The following CEP295 variants were observed in gnomAD, a reference collection of about 807,000 sequenced individuals.
CEP295 encodes the protein centrosomal protein 295, also known as centrosomal protein of 295 kDa.
In CEP295, 190 loss-of-function variants were observed where a neutral mutation model predicts 291.6. The observed-to-expected ratio is 0.65, with a 90% CI of 0.58 to 0.73. The LOEUF (loss-of-function observed/expected upper bound fraction) is 0.73, where lower values mean the gene tolerates loss of function less well. Among genes scored for constraint, CEP295 ranks in the 30% least tolerant of loss-of-function variants. CEP295 has a pLI of 0.00. For synonymous variants in CEP295, 993 were observed against 1,038.8 expected (o/e 0.96, Z 0.85); for missense variants, 2,863 against 2,949.4 (o/e 0.97, Z 0.68).
At chr11:93,687,596 TA>T in intron 9 of CEP295, 47 bp from the exon 10 acceptor site, 1 of 1,004,372 alleles carries the variant, frequency 1.0e-6, no homozygotes. Context: ...ATTTGCCTGG[TA>T]ATACAATAGA....
intron 20 of CEP295, among the ~76,000 whole-genome samples, chr11:93,722,287 C>A (rs890237498): frequency 1.3e-5 from 2 of 151,978 alleles, no homozygotes; most frequent in African/African-American, 4.8e-5. Context: ...GTGGTAGAAC[C>A]CTATCTCTAC....
chr11:93,729,452 C>A lies in CEP295; in HGVS notation c.7321C>A (p.Leu2441Ile), dbSNP rs558061169. 1.3e-6 allele frequency: 2 copies of A among 1,551,640 alleles called. No individual in the cohort carries two copies. Among genetic ancestry groups the A allele is most frequent in the East Asian group, 4.9e-5 (2 of 40,930 alleles). The change falls in exon 26 of 30, where the codon CTT (leucine) becomes ATT (isoleucine). Residue 2441 changes from leucine to isoleucine, a missense_variant. This residue lies in a region of CEP295 where 2,295 missense variants were observed against 2,335.7 expected (regional missense o/e 0.98). Transcript: ENST00000325212. ...CFFQVSEFLP[L>I]VSATEASDYP... ...CCATTAGGTGAGTGAGTTTCTGCCT[C>A]TTGTATCAGCAACAGAAGCCTCAGA...
rs1216395836 is a variant in CEP295 at position 93,730,153 on chromosome 11, G to A, written c.7767+5G>A. 6.4e-7 allele frequency: 1 copy of A among 1,550,960 alleles called. No homozygotes were observed. Among genetic ancestry groups the A allele is most frequent in the Non-Finnish European group, 8.7e-7 (1 of 1,146,796 alleles). ...AGGGCAAAAGAATTCCATAAGGTGAGTATAACTGAGGGAGAAGGACTTAAT... is the reference window on the plus strand; with the variant it reads ...AGGGCAAAAGAATTCCATAAGGTGAATATAACTGAGGGAGAAGGACTTAAT... On this transcript the variant is annotated splice_donor_5th_base_variant and intron_variant, in intron 29 of 29. Transcript: ENST00000325212.
intron 2 of CEP295, among the ~76,000 whole-genome samples, chr11:93,667,234 A>G (rs1950237926): frequency 6.6e-6 from 1 of 152,214 alleles, no homozygotes; most frequent in South Asian, 2.1e-4. Flanking sequence ...TTCTGTCTAG[A>G]ATCAGAAATG....
rs764159719 is a variant in CEP295 at position 93,730,071 on chromosome 11, G to C, written c.7690G>C (p.Val2564Leu). The C allele has an allele frequency of 9.0e-6, 14 of 1,549,968 alleles. No individual in the cohort carries two copies. Among genetic ancestry groups the C allele is most frequent in the Non-Finnish European group, 1.0e-5 (12 of 1,146,648 alleles). The change falls in exon 29 of 30, where the codon GTG becomes CTG. Residue 2564 changes from valine to leucine, a missense_variant. Val to Leu is a conservative substitution (Grantham distance 32). This residue lies in a region of CEP295 where 2,295 missense variants were observed against 2,335.7 expected (regional missense o/e 0.98). Coordinates refer to ENST00000325212, the MANE Select transcript of CEP295 (RefSeq NM_033395.2). ...GLRLYNQLAE[V>L]KQQKEEKTKQ... ...CAGGTTATACAATCAACTAGCTGAA[G>C]TGAAACAACAAAAGGAAGAAAAAAC...
chr11:93,715,844 G>A (rs1387998322), intron 18 of CEP295, among the ~76,000 whole-genome samples: 2 of 152,058 alleles, frequency 1.3e-5, no homozygotes, highest in African/African-American at 4.8e-5. Flanking sequence ...CTGTGACTGA[G>A]TGGGTATTCA....
chr11:93,669,910 G>C, intron 5 of CEP295, 140 bp downstream of exon 5: 1 of 560,768 alleles, frequency 1.8e-6, no homozygotes, highest in South Asian at 2.5e-5. Context: ...AGTATATCTG[G>C]AGTATGTTAA....
chr11:93,690,744 A>G (rs970093394), intron 10 of CEP295, among the ~76,000 whole-genome samples: 101 of 151,514 alleles, frequency 6.7e-4, no homozygotes, highest in Non-Finnish European at 1.3e-3. Flanking sequence ...AAAAAAAAAA[A>G]AAAAAAAAAG....
intron 18 of CEP295, chr11:93,719,581 G>A (rs1953543824): frequency 6.6e-6 from 1 of 151,778 alleles, no homozygotes; most frequent in African/African-American, 2.4e-5. Context: ...TGTTTACTAG[G>A]TCTACATTTG....
chr11:93,691,618 G>T lies in CEP295; in HGVS notation c.1337-65G>T. On this transcript the variant is annotated intron_variant, in intron 10 of 29. Coordinates refer to ENST00000325212, the MANE Select transcript of CEP295 (RefSeq NM_033395.2). ...TTGAATGTGTTAATACCAGAATTTT[G>T]TTATTTTGCTTTAAGTTTGACAATG... 5.5e-6 allele frequency: 6 copies of T among 1,089,048 alleles called. No individual in the cohort carries two copies. In the South Asian group the frequency reaches 8.5e-5, roughly 15 times the overall value. The allele number at this position is 1,089,048 out of a possible 1,614,324, so 67.5% of individuals were successfully genotyped here. A position where few individuals can be genotyped will look rare whatever the true frequency, so the allele number is the denominator to read the frequency against.
rs1276868625 is a variant in CEP295 at position 93,691,962 on chromosome 11, C to T, written c.1465C>T (p.Gln489Ter). Residue 489 changes from glutamine to a stop codon, truncating the protein, a stop_gained, in exon 12 of 30, where the codon CAG becomes TAG. Coordinates refer to ENST00000325212, the MANE Select transcript of CEP295 (RefSeq NM_033395.2). LOFTEE classifies it high-confidence loss of function. The part of the protein sequence containing the change: ...NETLPITTVA[Q>*]SSVLLHPQEA... ...GACTCTGCCTATCACAACTGTAGCT[C>T]AGAGTTCAGTTCTACTTCATCCTCA... The T allele has an allele frequency of 6.5e-7, 1 of 1,546,454 alleles. No individual in the cohort carries two copies.
chr11:93,700,110 T>C lies in CEP295; in HGVS notation c.5198T>C (p.Val1733Ala), dbSNP rs906504286. 2 of 1,551,574 alleles carry C rather than the reference T, an allele frequency of 1.3e-6. No homozygotes were observed. The highest frequency in any genetic ancestry group is 2.7e-5 in the African/African-American group (2 of 73,040). ...CAGAAAGCCCAGGAAAAATTGCTTG[T>C]ACAGAGACAAACAGCATTGCAGCAG... is the stretch of plus-strand genomic sequence containing the variant. The part of the protein sequence containing the change: ...YSQKAQEKLL[V>A]QRQTALQQQI... The change falls in exon 15 of 30, where the codon GTA (valine) becomes GCA (alanine). Residue 1733 changes from valine (V) to alanine (A), a missense_variant. Transcript: ENST00000325212.
chr11:93,697,893 CTT>C lies in CEP295; in HGVS notation c.2983_2984del (p.Phe995ProfsTer16). The C allele has an allele frequency of 1.3e-6, 2 of 1,551,732 alleles. No homozygotes were observed. Among genetic ancestry groups the C allele is most frequent in the South Asian group, 2.4e-5 (2 of 84,066 alleles). ...GTATGTTCCGAACAGGCTGAGCCCT[CTT>C]TCCCATTTCAGGTAGCTCAGCATAC... On this transcript the variant is annotated frameshift_variant, in exon 15 of 30. Transcript: ENST00000325212. LOFTEE classifies it high-confidence loss of function.
chr11:93,727,078 C>A lies in CEP295; in HGVS notation c.6602C>A (p.Ser2201Tyr), dbSNP rs1183501555. 6.4e-7 allele frequency: 1 copy of A among 1,551,528 alleles called. No individual in the cohort carries two copies. Among genetic ancestry groups the A allele is most frequent in the Non-Finnish European group, 8.7e-7 (1 of 1,146,710 alleles). Residue 2201 changes from serine to tyrosine, a missense_variant, in exon 24 of 30, where the codon TCT (serine) becomes TAT (tyrosine). Ser to Tyr is a moderately radical substitution (Grantham distance 144, BLOSUM62 -2). Around this residue, in one of 3 missense-constraint regions of CEP295, gnomAD observed 2,295 missense variants for 2,335.7 expected, o/e 0.98. Transcript: ENST00000325212. ...ATTTTTAGCATTGAAGCAAGAGATT[C>A]TTCCCAAGGCATGAAAAATCAGAAC... ...PSIFSIEARD[S>Y]SQGMKNQNYP...
Position 93,668,863 on chromosome 11 carries a change from A to AC in CEP295, c.365_366insC (p.Leu123PhefsTer4). On this transcript the variant is annotated frameshift_variant, in exon 4 of 30. Coordinates refer to ENST00000325212, the MANE Select transcript of CEP295 (RefSeq NM_033395.2). LOFTEE classifies it high-confidence loss of function. ...GCAGCAGAAAGGAAAAGAAAAGCAG[A>AC]TTTGAGGCATAAAGAAGCCTTGAAA... The AC allele has an allele frequency of 6.7e-7, 1 of 1,501,880 alleles. No homozygotes were observed. The highest frequency in any genetic ancestry group is 9.0e-7 in the Non-Finnish European group (1 of 1,110,588). 93.0% of individuals were successfully genotyped at this position (1,501,880 alleles called of 1,614,324 possible).
At chr11:93,688,740 AT>A (rs1305557709) in intron 10 of CEP295, among the ~76,000 whole-genome samples, 4 of 152,100 alleles carry the variant, frequency 2.6e-5, no homozygotes, top group African/African-American at 4.8e-5. Flanking sequence ...CACACTTTAC[AT>A]TATCATCTGT....
chr11:93,681,235 T>G (rs990647903), intron 7 of CEP295, among the ~76,000 whole-genome samples: 87 of 92,754 alleles, frequency 9.4e-4, no homozygotes, highest in African/African-American at 2.8e-3. Context: ...GTTTCATGTG[T>G]TGTTTTTTTT....
intron 17 of CEP295, among the ~76,000 whole-genome samples, chr11:93,704,996 GTATAT>G (rs566481402): frequency 3.3e-4 from 50 of 152,120 alleles, no homozygotes; most frequent in Non-Finnish European, 4.7e-4. Flanking sequence ...GAGTCCATTA[GTATAT>G]TATGTTATTA....
intron 15 of CEP295, among the ~76,000 whole-genome samples, chr11:93,700,604 T>C (rs1952096161): frequency 6.6e-6 from 1 of 151,802 alleles, no homozygotes; most frequent in Non-Finnish European, 1.5e-5. Context: ...TTTTGTATTT[T>C]TTTTTTTTTA....
Sources: allele counts gnomAD v4.1 joint callset (sites outside exome capture counted in the v4.1 genomes callset), GRCh38; gene constraint gnomAD v4.1.1; regional missense constraint gnomAD v4.1.1; transcripts MANE v1.5; gene names NCBI Gene and HGNC (gene_info 2026-07-23, HGNC 2026-07-21).